The following SNX24 variants were observed in gnomAD, a reference collection of about 807,000 sequenced individuals.
SNX24 encodes the protein sorting nexin-24.
SNX24 carries 22 observed loss-of-function variants against 28.7 expected under a neutral mutation model. The ratio of observed to expected loss-of-function variants is 0.77; its 90% confidence interval spans 0.55 to 1.10. The LOEUF is 1.10. Among genes scored for constraint, SNX24 ranks in the 50% least tolerant of loss-of-function variants. SNX24 has a pLI of 0.00. For synonymous variants in SNX24, 69 were observed against 71.5 expected (o/e 0.96, Z 0.18); for missense variants, 221 against 201.1 (o/e 1.10, Z -0.60).
chr5:122,946,777 G>A (rs956168941), intron 3 of SNX24, among the ~76,000 whole-genome samples: 1 of 152,212 alleles, frequency 6.6e-6, no homozygotes, highest in African/African-American at 2.4e-5. Flanking sequence ...AAAAGGAGAA[G>A]GTAGAGCAGT....
downstream of SNX24, among the ~76,000 whole-genome samples, chr5:123,010,137 G>A (rs978224739): frequency 1.3e-5 from 2 of 152,118 alleles, no homozygotes; most frequent in African/African-American, 4.8e-5. Flanking sequence ...AGTGGCAGGA[G>A]GATGGTATTC....
In SNX24 at chr5:122,963,975, G is replaced by A. The variant is rs61035444; in HGVS notation, c.249+17816G>A. ...CAATAGTTCTGGGCCGGGCGCGATG[G>A]CTCATGCCTGTAATCCCAGGACTTC... is the stretch of plus-strand genomic sequence containing the variant. On this transcript the variant is annotated intron_variant, in intron 3 of 6. Transcript: ENST00000261369. Among the ~76,000 whole-genome samples, 901 of 152,202 alleles carry A rather than the reference G, an allele frequency of 5.9e-3. 5 individuals carry two copies. Among genetic ancestry groups the A allele is most frequent in the African/African-American group, 0.02 (846 of 41,522 alleles).
intron 1 of SNX24, among the ~76,000 whole-genome samples, chr5:122,921,030 T>C (rs975622893): frequency 6.6e-6 from 1 of 152,162 alleles, no homozygotes; most frequent in Non-Finnish European, 1.5e-5. Context: ...CCAGCCAATA[T>C]TGGCATTTTT....
chr5:122,941,500 C>A (rs1415245506), intron 2 of SNX24, among the ~76,000 whole-genome samples: 2 of 152,140 alleles, frequency 1.3e-5, no homozygotes, highest in East Asian at 3.9e-4. Flanking sequence ...TCTCCTTTTT[C>A]CATGTTAGCT....
intron 1 of SNX24, among the ~76,000 whole-genome samples, chr5:122,930,447 T>G (rs1014878557): frequency 2.6e-5 from 4 of 152,210 alleles, no homozygotes; most frequent in Non-Finnish European, 4.4e-5. Context: ...AATTAGCATG[T>G]CAGAGAAAAA....
chr5:122,877,975 A>G (rs1049345767), intron 1 of SNX24, among the ~76,000 whole-genome samples: 1 of 151,784 alleles, frequency 6.6e-6, no homozygotes, highest in African/African-American at 2.4e-5. Flanking sequence ...GATGCTTGAG[A>G]CTCAACCTGA....
intron 1 of SNX24, among the ~76,000 whole-genome samples, chr5:122,880,767 T>C (rs191789503): frequency 2.6e-5 from 4 of 152,320 alleles, no homozygotes; most frequent in Non-Finnish European, 4.4e-5. Context: ...GTGTAATTAT[T>C]TGTAGCTTGT....
intron 5 of SNX24, among the ~76,000 whole-genome samples, chr5:123,018,018 C>T (rs1346315159): frequency 1.3e-5 from 2 of 151,728 alleles, no homozygotes; most frequent in African/African-American, 4.8e-5. Context: ...TAATCCTTGC[C>T]CTAGAGAGGA....
At chr5:122,993,098 A>G (rs1331827522) in intron 3 of SNX24, among the ~76,000 whole-genome samples, 1 of 152,070 alleles carries the variant, frequency 6.6e-6, no homozygotes, top group African/African-American at 2.4e-5. Context: ...GATACTCTAT[A>G]AAGCCCTGTG....
intron 3 of SNX24, among the ~76,000 whole-genome samples, chr5:122,976,821 A>G (rs149023428): frequency 4.2e-4 from 64 of 152,338 alleles, no homozygotes; most frequent in Admixed American, 7.2e-4. Context: ...AGAAAAATCA[A>G]TTGCAATTCA....
intron 3 of SNX24, among the ~76,000 whole-genome samples, chr5:122,949,433 T>C (rs1169693902): frequency 6.6e-6 from 1 of 152,210 alleles, no homozygotes; most frequent in African/African-American, 2.4e-5. Flanking sequence ...AGTGTAGGTT[T>C]CTTAAAAATA....
chr5:123,012,180 C>T (rs1762594742), downstream of SNX24, among the ~76,000 whole-genome samples: 1 of 152,158 alleles, frequency 6.6e-6, no homozygotes, highest in Non-Finnish European at 1.5e-5. Context: ...AACTGTAAGT[C>T]AATTAAACTT....
chr5:122,912,880 C>A (rs1181537843), intron 1 of SNX24, among the ~76,000 whole-genome samples: 1 of 151,904 alleles, frequency 6.6e-6, no homozygotes, highest in Non-Finnish European at 1.5e-5. Flanking sequence ...GACCCTGTGG[C>A]CCTGGGTACT....
intron 1 of SNX24, among the ~76,000 whole-genome samples, chr5:122,905,274 G>T (rs1044170616): frequency 1.2e-4 from 18 of 152,202 alleles, no homozygotes; most frequent in Non-Finnish European, 2.4e-4. Context: ...GAGGGAAGGG[G>T]TATGTGGGAC....
rs567864109 is a variant in SNX24, at chr5:122,869,775, G to GT, written c.60+24088dup. Among the ~76,000 whole-genome samples the GT allele has an allele frequency of 3.7e-4, 57 of 152,182 alleles. No homozygotes were observed. In the South Asian group the frequency reaches 0.012, roughly 31 times the overall value. On this transcript the variant is annotated intron_variant, in intron 1 of 6. Transcript: ENST00000261369. ...CGTAGACTCTGAATTCATTGTCTGT[G>GT]TTTTTTCCATTGATAGTTTTGCAGA...
At chr5:122,956,515 T>C (rs536102289) in intron 3 of SNX24, among the ~76,000 whole-genome samples, 2 of 152,254 alleles carry the variant, frequency 1.3e-5, no homozygotes, top group African/African-American at 4.8e-5. Flanking sequence ...TACAAATATC[T>C]CTTAGAGATC....
At chr5:122,945,698 T>C (rs562011257) in intron 2 of SNX24, among the ~76,000 whole-genome samples, 2 of 152,336 alleles carry the variant, frequency 1.3e-5, no homozygotes, top group African/African-American at 4.8e-5. Context: ...AGCAAAGTCC[T>C]TCATCCAAGT....
At chr5:122,892,243 A>G (rs1757004540) in intron 1 of SNX24, among the ~76,000 whole-genome samples, 1 of 152,004 alleles carries the variant, frequency 6.6e-6, no homozygotes, top group Non-Finnish European at 1.5e-5. Flanking sequence ...TGCACTGTGC[A>G]CACATTTTAT....
chr5:122,989,993 G>C (rs183958055), intron 3 of SNX24, among the ~76,000 whole-genome samples: 1 of 152,302 alleles, frequency 6.6e-6, no homozygotes, highest in East Asian at 1.9e-4. Context: ...TCCTACCTGT[G>C]TATTTTAGTG....
Sources: allele counts gnomAD v4.1 joint callset (sites outside exome capture counted in the v4.1 genomes callset), GRCh38; gene constraint gnomAD v4.1.1; transcripts MANE v1.5; gene names NCBI Gene and HGNC (gene_info 2026-07-23, HGNC 2026-07-21).